The following TMTC2 variants were observed in gnomAD, a reference collection of about 807,000 sequenced individuals.
TMTC2 encodes transmembrane O-mannosyltransferase targeting cadherins 2, also known as protein O-mannosyl-transferase TMTC2.
In TMTC2, 43 loss-of-function variants were observed where a neutral mutation model predicts 82.4. The observed-to-expected ratio is 0.52, with a 90% CI of 0.41 to 0.67. TMTC2 has a LOEUF of 0.67. Among genes scored for constraint, TMTC2 ranks in the 30% least tolerant of loss-of-function variants. The pLI is 0.00. For missense variants in TMTC2, 919 were observed against 1,012.4 expected (o/e 0.91, Z 1.25); for synonymous variants, 408 against 381.9 (o/e 1.07, Z -0.80).
intron 1 of TMTC2, among the ~76,000 whole-genome samples, chr12:82,769,481 A>AAAAAAG (rs958709252): frequency 2.7e-5 from 2 of 72,812 alleles, no homozygotes; most frequent in Admixed American, 3.7e-4. Flanking sequence ...CTCAAACCAA[A>AAAAAAG]AAAAAGAAAA....
chr12:83,103,909 T>C (rs1351826007), intron 11 of TMTC2, among the ~76,000 whole-genome samples: 1 of 152,196 alleles, frequency 6.6e-6, no homozygotes, highest in Non-Finnish European at 1.5e-5. Context: ...GTTACTCCCT[T>C]GTATAGTTTT....
intron 8 of TMTC2, among the ~76,000 whole-genome samples, chr12:83,028,188 ATG>A (rs1025353489): frequency 4.6e-5 from 7 of 152,136 alleles, no homozygotes; most frequent in African/African-American, 1.7e-4. Context: ...GAATATATAT[ATG>A]TGTGTGTGTA....
chr12:82,840,218 A>G (rs1870260070), intron 1 of TMTC2, among the ~76,000 whole-genome samples: 2 of 152,232 alleles, frequency 1.3e-5, no homozygotes, highest in Admixed American at 1.3e-4. Context: ...TTCACCATAA[A>G]CAACATTTTT....
chr12:83,079,596 T>C (rs1045101363), intron 11 of TMTC2, among the ~76,000 whole-genome samples: 1 of 152,132 alleles, frequency 6.6e-6, no homozygotes, highest in Non-Finnish European at 1.5e-5. Flanking sequence ...ATCAGCAAAT[T>C]AGACAGACCA....
chr12:82,905,031 A>T (rs1874220389), intron 3 of TMTC2, among the ~76,000 whole-genome samples: 1 of 146,062 alleles, frequency 6.8e-6, no homozygotes. Context: ...CCTTCCCTAC[A>T]GTATCTAGAA....
intron 1 of TMTC2, among the ~76,000 whole-genome samples, chr12:82,793,887 C>A (rs553761731): frequency 7.9e-5 from 12 of 152,246 alleles, no homozygotes; most frequent in African/African-American, 2.4e-4. Flanking sequence ...GCATAGCTTA[C>A]AATGTTCTTA....
intron 1 of TMTC2, among the ~76,000 whole-genome samples, chr12:82,730,125 CAGTG>C (rs1301865566): frequency 3.3e-5 from 5 of 152,120 alleles, no homozygotes; most frequent in African/African-American, 1.2e-4. Flanking sequence ...TTCTTGAAGT[CAGTG>C]AGACCAAGAA....
chr12:82,807,401 A>G (rs1879296041), intron 1 of TMTC2, among the ~76,000 whole-genome samples: 1 of 152,104 alleles, frequency 6.6e-6, no homozygotes, highest in Non-Finnish European at 1.5e-5. Flanking sequence ...CCTTTCATTC[A>G]GTGTCAATTG....
intron 11 of TMTC2, among the ~76,000 whole-genome samples, chr12:83,068,955 G>A (rs1229776584): frequency 2.6e-5 from 4 of 152,086 alleles, no homozygotes; most frequent in Non-Finnish European, 4.4e-5. Flanking sequence ...GAGAACATAC[G>A]ATGTTTGGTT....
intron 1 of TMTC2, among the ~76,000 whole-genome samples, chr12:82,816,989 T>C (rs966342533): frequency 1.7e-4 from 26 of 149,240 alleles, no homozygotes; most frequent in African/African-American, 6.1e-4. Context: ...TTTTTTGAGA[T>C]GGAGTTTCAC....
At chr12:82,917,908 A>C (rs1326554091) in intron 3 of TMTC2, among the ~76,000 whole-genome samples, 2 of 128,180 alleles carry the variant, frequency 1.6e-5, no homozygotes, top group Non-Finnish European at 3.4e-5. Context: ...GCCAGCTTTT[A>C]TTTTTTTGAG....
chr12:83,118,462 G>A (rs1489511991), intron 11 of TMTC2, among the ~76,000 whole-genome samples: 1 of 151,792 alleles, frequency 6.6e-6, no homozygotes, highest in Non-Finnish European at 1.5e-5. Context: ...TGTTTATGTG[G>A]TGTGTCACAT....
chr12:82,842,553 T>C (rs1870398672), intron 1 of TMTC2, among the ~76,000 whole-genome samples: 1 of 152,170 alleles, frequency 6.6e-6, no homozygotes, highest in Admixed American at 6.5e-5. Flanking sequence ...AAACAGTATA[T>C]AGCATATGTA....
chr12:82,975,056 G>T (rs1242658643), intron 7 of TMTC2, among the ~76,000 whole-genome samples: 1 of 152,146 alleles, frequency 6.6e-6, no homozygotes, highest in Non-Finnish European at 1.5e-5. Context: ...AAGACAGAGA[G>T]GTGGGAGACA....
At chr12:82,856,669 G>T (rs1259546688) in intron 1 of TMTC2, among the ~76,000 whole-genome samples, 1 of 152,128 alleles carries the variant, frequency 6.6e-6, no homozygotes, top group Non-Finnish European at 1.5e-5. Context: ...GCCCAGCCTC[G>T]ATCTGGAATA....
chr12:83,117,845 GT>G (rs1438355230), intron 11 of TMTC2, among the ~76,000 whole-genome samples: 1 of 151,904 alleles, frequency 6.6e-6, no homozygotes, highest in East Asian at 1.9e-4. Flanking sequence ...AGTGTTTGTA[GT>G]TTTCTTTGTA....
chr12:83,132,125 G>T, intron 11 of TMTC2, 85 bp from the exon 12 acceptor site: 1 of 1,456,494 alleles, frequency 6.9e-7, no homozygotes, highest in South Asian at 1.4e-5. Flanking sequence ...GGAATTATTT[G>T]CATAAGTGGA....
intron 1 of TMTC2, among the ~76,000 whole-genome samples, chr12:82,777,730 T>C (rs1877670102): frequency 6.6e-6 from 1 of 152,196 alleles, no homozygotes. Context: ...CAAATGCCTA[T>C]TCTTGGCTTT....
At chr12:82,998,155 G>A (rs1879747202) in intron 8 of TMTC2, among the ~76,000 whole-genome samples, 1 of 152,158 alleles carries the variant, frequency 6.6e-6, no homozygotes, top group Non-Finnish European at 1.5e-5. Context: ...ACTGTCAAGT[G>A]TGCTGTCAGT....
Sources: allele counts gnomAD v4.1 joint callset (sites outside exome capture counted in the v4.1 genomes callset), GRCh38; gene constraint gnomAD v4.1.1; transcripts MANE v1.5; gene names NCBI Gene and HGNC (gene_info 2026-07-23, HGNC 2026-07-21).